The following UNC13C variants were observed in gnomAD, a reference collection of about 807,000 sequenced individuals.
The protein encoded by UNC13C is unc-13 homolog C.
UNC13C carries 174 observed loss-of-function variants against 245.4 expected under a neutral mutation model. That is an observed-to-expected ratio of 0.71 (90% CI 0.63 to 0.80). The LOEUF is 0.80. Among genes scored for constraint, UNC13C ranks in the 30% least tolerant of loss-of-function variants. UNC13C has a pLI of 0.00. For synonymous variants in UNC13C, 992 were observed against 895.1 expected (o/e 1.11, Z -1.93); for missense variants, 2,829 against 2,602.9 (o/e 1.09, Z -1.89).
chr15:53,902,642 G>A, the UNC13C span, among the ~76,000 whole-genome samples: 1 of 152,070 alleles, frequency 6.6e-6, no homozygotes, highest in African/African-American at 2.4e-5. Flanking sequence ...CTACATGCAA[G>A]GCAGTGGGAA....
intron 20 of UNC13C, among the ~76,000 whole-genome samples, chr15:54,496,754 G>C (rs192036606): frequency 3.6e-4 from 55 of 152,044 alleles, no homozygotes; most frequent in Non-Finnish European, 5.7e-4. Flanking sequence ...CTCATAAGTG[G>C]GAGCTGAGCT....
At chr15:54,257,388 A>G (rs1209946091) in intron 8 of UNC13C, among the ~76,000 whole-genome samples, 4 of 152,248 alleles carry the variant, frequency 2.6e-5, no homozygotes, top group Non-Finnish European at 5.9e-5. Flanking sequence ...ACATACTGTT[A>G]TGCGAGCACA....
the UNC13C span, among the ~76,000 whole-genome samples, chr15:53,840,267 C>T: frequency 6.6e-6 from 1 of 152,136 alleles, no homozygotes; most frequent in East Asian, 1.9e-4. Flanking sequence ...GAAGACTGCA[C>T]TATATGCCTG....
chr15:54,343,339 G>A lies in UNC13C; in HGVS notation c.4713+4850G>A, dbSNP rs113621827. ...GTAGAGACAGGGTTTCACCACGTTA[G>A]CCAGGCTGGGCTCGAACTCCTGACC... On this transcript the variant is annotated intron_variant, in intron 17 of 32. Coordinates refer to ENST00000260323, the MANE Select transcript of UNC13C (RefSeq NM_001080534.3). Among the ~76,000 whole-genome samples the A allele has an allele frequency of 7.9e-3, 1,195 of 152,132 alleles. 11 individuals carry two copies. The highest frequency in any genetic ancestry group is 0.028 in the African/African-American group (1,143 of 41,502).
chr15:54,254,056 C>T (rs2036219257), intron 8 of UNC13C, among the ~76,000 whole-genome samples: 1 of 152,226 alleles, frequency 6.6e-6, no homozygotes, highest in African/African-American at 2.4e-5. Flanking sequence ...GTGCTTTCTA[C>T]TGACATTATG....
rs150835474 is a variant in UNC13C at position 54,240,626 on chromosome 15, G to T, written c.3228+2936G>T. ...TAACGCTCTGCTGGCCATGGGTGAA[G>T]CATCGCCAGTGCCCCCATCCATCAC... is the stretch of plus-strand genomic sequence containing the variant. On this transcript the variant is annotated intron_variant, in intron 7 of 32. Transcript: ENST00000260323. Among the ~76,000 whole-genome samples the T allele has an allele frequency of 8.3e-3, 1,267 of 152,278 alleles. 11 individuals carry two copies. Among genetic ancestry groups the T allele is most frequent in the South Asian group, 0.023 (110 of 4,830 alleles).
chr15:54,108,739 C>A (rs1394239010), intron 2 of UNC13C, among the ~76,000 whole-genome samples: 1 of 152,138 alleles, frequency 6.6e-6, no homozygotes, highest in African/African-American at 2.4e-5. Context: ...ATTCTTATTA[C>A]TTTGTTTGGA....
intron 13 of UNC13C, chr15:54,321,172 T>C (rs1471697787): frequency 1.9e-6 from 1 of 517,278 alleles, no homozygotes; most frequent in Non-Finnish European, 3.8e-6. Flanking sequence ...GTTGTGGCCA[T>C]TCACAGTAAG....
In UNC13C at chr15:54,322,083, T is replaced by A; in HGVS notation, c.4413T>A (p.Ala1471=). Residue 1471 remains alanine (A), a synonymous_variant, in exon 14 of 33, where the codon GCT becomes GCA. Coordinates refer to ENST00000260323, the MANE Select transcript of UNC13C (RefSeq NM_001080534.3). The part of the protein sequence containing the change: ...IQVSASDRFA[A]TNFGREKFIK... ...TTTCTGCCTCAGATCGATTTGCTGC[T>A]ACCAACTTTGGTGTAAGTATAATTT... is the stretch of plus-strand genomic sequence containing the variant. The A allele has an allele frequency of 6.3e-7, 1 of 1,575,272 alleles. No individual in the cohort carries two copies. The highest frequency in any genetic ancestry group is 1.4e-5 in the African/African-American group (1 of 73,960).
At chr15:54,611,523 T>A (rs1333012385) in intron 30 of UNC13C, 1 of 152,148 alleles carries the variant, frequency 6.6e-6, no homozygotes, top group African/African-American at 2.4e-5. Context: ...CATCCATAGG[T>A]TGGCTGAGTT....
intron 18 of UNC13C, among the ~76,000 whole-genome samples, chr15:54,409,322 A>T (rs1285370177): frequency 6.6e-6 from 1 of 151,592 alleles, no homozygotes; most frequent in Non-Finnish European, 1.5e-5. Flanking sequence ...TAAGCTGTAT[A>T]TATTTTTCCA....
intron 25 of UNC13C, among the ~76,000 whole-genome samples, chr15:54,530,770 C>G (rs1350271457): frequency 6.6e-6 from 1 of 152,022 alleles, no homozygotes; most frequent in Non-Finnish European, 1.5e-5. Flanking sequence ...TCTAAGAACA[C>G]CAGGAGGTCT....
intron 30 of UNC13C, among the ~76,000 whole-genome samples, chr15:54,620,370 G>A (rs1900718398): frequency 6.6e-6 from 1 of 152,064 alleles, no homozygotes; most frequent in African/African-American, 2.4e-5. Context: ...AAGGTTTTAG[G>A]CACATTTCCT....
chr15:54,501,051 G>A (rs2141099538), intron 22 of UNC13C, 73 bp downstream of exon 22: 2 of 1,496,058 alleles, frequency 1.3e-6, no homozygotes, highest in South Asian at 1.3e-5. Context: ...GTTTTGTGGT[G>A]TTAGTCTTCT....
chr15:53,848,646 G>A, the UNC13C span, among the ~76,000 whole-genome samples: 3 of 151,926 alleles, frequency 2.0e-5, no homozygotes, highest in Non-Finnish European at 4.4e-5. Flanking sequence ...GTTGATTCTT[G>A]GCGTTTTTTA....
chr15:54,481,401 T>C (rs1176766737), intron 19 of UNC13C, among the ~76,000 whole-genome samples: 1 of 151,924 alleles, frequency 6.6e-6, no homozygotes, highest in Non-Finnish European at 1.5e-5. Flanking sequence ...AGAAAGAAAT[T>C]GGCCTTTCCT....
At chr15:54,587,967 A>T (rs1898579333) in intron 30 of UNC13C, among the ~76,000 whole-genome samples, 1 of 152,228 alleles carries the variant, frequency 6.6e-6, no homozygotes, top group Non-Finnish European at 1.5e-5. Context: ...TGAGACTAAC[A>T]TTGGCCCTGG....
At chr15:54,613,626 G>C (rs1022001730) in intron 30 of UNC13C, among the ~76,000 whole-genome samples, 1 of 151,958 alleles carries the variant, frequency 6.6e-6, no homozygotes, top group Non-Finnish European at 1.5e-5. Flanking sequence ...AGAGACCAGG[G>C]AGGAGAACTC....
In UNC13C at chr15:54,572,528, C is replaced by T. The variant is rs569945982; in HGVS notation, c.6106+4581C>T. ...GCGGCCTCTGCCTCCTGGGTTCCAG[C>T]GATTCTTCTGCCTCAGCCTCCTGGG... is the stretch of plus-strand genomic sequence containing the variant. On this transcript the variant is annotated intron_variant, in intron 30 of 32. Coordinates refer to ENST00000260323, the MANE Select transcript of UNC13C (RefSeq NM_001080534.3). Among the ~76,000 whole-genome samples the T allele has an allele frequency of 1.2e-4, 18 of 150,394 alleles. No individual in the cohort carries two copies. The South Asian group carries it at 3.2e-3, about 27-fold the overall frequency.
Sources: gnomAD v4.1 joint callset for allele counts (sites outside exome capture counted in the v4.1 genomes callset) on GRCh38, gnomAD v4.1.1 for gene constraint, MANE v1.5 for transcripts, NCBI Gene and HGNC (gene_info 2026-07-23, HGNC 2026-07-21) for gene names.